The following IFT74 variants were observed in gnomAD, a reference collection of about 807,000 sequenced individuals.
IFT74 encodes intraflagellar transport protein 74 homolog.
In IFT74, 92 loss-of-function variants were observed where a neutral mutation model predicts 96.7. The ratio of observed to expected loss-of-function variants is 0.95; its 90% CI spans 0.80 to 1.13. The LOEUF (loss-of-function observed/expected upper bound fraction) is 1.13. Among genes scored for constraint, IFT74 ranks in the 50% most tolerant of loss-of-function variants. IFT74 has a pLI of 0.00. For missense variants in IFT74, 811 were observed against 698.2 expected, an observed-to-expected ratio of 1.16 and a Z score of -1.82; for synonymous variants, 223 against 213.2, an observed-to-expected ratio of 1.05 and a Z score of -0.40.
intron 19 of IFT74, among the ~76,000 whole-genome samples, chr9:27,062,129 T>A (rs913313924): frequency 2.0e-5 from 3 of 152,170 alleles, no homozygotes; most frequent in African/African-American, 4.8e-5. Flanking sequence ...GGTACTCTGT[T>A]GCCAGTGTTA....
intron 1 of IFT74, among the ~76,000 whole-genome samples, chr9:26,956,907 A>T (rs1055960871): frequency 6.6e-6 from 1 of 152,268 alleles, no homozygotes; most frequent in African/African-American, 2.4e-5. Context: ...TGGTTGGCTT[A>T]GGGAGGATAA....
intron 8 of IFT74, chr9:26,997,941 G>A: frequency 6.2e-7 from 1 of 1,613,938 alleles, no homozygotes; most frequent in African/African-American, 1.3e-5. Flanking sequence ...TTTTGGCAGA[G>A]ATATAACTGT....
intron 11 of IFT74, among the ~76,000 whole-genome samples, 163 bp from the exon 12 acceptor site, chr9:27,018,484 C>G (rs1395039792): frequency 3.3e-5 from 5 of 152,142 alleles, no homozygotes; most frequent in South Asian, 4.1e-4. Context: ...TTCCTTGGTG[C>G]TGTTCCCTTT....
chr9:27,023,787 C>A (rs1829724409), intron 12 of IFT74, among the ~76,000 whole-genome samples: 1 of 152,144 alleles, frequency 6.6e-6, no homozygotes, highest in East Asian at 1.9e-4. Flanking sequence ...CTGAAACCAC[C>A]CCTTCCATCA....
intron 4 of IFT74, among the ~76,000 whole-genome samples, chr9:26,981,239 A>G (rs1016013314): frequency 5.3e-5 from 8 of 152,080 alleles, no homozygotes; most frequent in African/African-American, 1.9e-4. Context: ...ACCATAGCAA[A>G]CTTATTTTAT....
At chr9:27,006,995 C>T (rs563271389) in intron 8 of IFT74, among the ~76,000 whole-genome samples, 67 of 151,830 alleles carry the variant, frequency 4.4e-4, no homozygotes, top group Admixed American at 3.2e-3. Flanking sequence ...CACCATCACG[C>T]CCAGCTAATT....
intron 4 of IFT74, chr9:26,982,328 A>C: frequency 2.3e-6 from 1 of 439,670 alleles, no homozygotes; most frequent in South Asian, 1.6e-5. Context: ...CAATGATGGG[A>C]TCTCACGTCA....
rs1223774011 is a variant in IFT74, at chr9:26,948,463, T to A, written c.-20+1317T>A. Reference sequence around the variant, plus strand: ...GCTTTCCATTATTTTTTTTTTTTTTTTTTTTTTTTTTTTTTTTTTTTTTTT... The same window carrying A: ...GCTTTCCATTATTTTTTTTTTTTTTATTTTTTTTTTTTTTTTTTTTTTTTT... On this transcript the variant is annotated intron_variant, in intron 1 of 19. Coordinates refer to the IFT74 transcript ENST00000433700. Among the ~76,000 whole-genome samples the A allele has an allele frequency of 6.9e-3, 382 of 55,490 alleles. 16 individuals are homozygous for A. In the East Asian group the frequency reaches 0.15, roughly 22 times the overall value. 36.4% of individuals were successfully genotyped at this position (55,490 alleles called of 152,430 possible). A position where few individuals can be genotyped will look rare whatever the true frequency, so the allele number is the denominator to read the frequency against.
chr9:27,018,329 C>A (rs573534833), intron 11 of IFT74, among the ~76,000 whole-genome samples: 30 of 152,248 alleles, frequency 2.0e-4, no homozygotes, highest in African/African-American at 7.0e-4. Flanking sequence ...TTGTGGGAAA[C>A]TGAGGGGAAT....
In IFT74 at chr9:27,009,156, C is replaced by A; in HGVS notation, c.724C>A (p.Gln242Lys). The A allele has an allele frequency of 1.9e-6, 3 of 1,610,754 alleles. No individual in the cohort carries two copies. The highest frequency in any genetic ancestry group is 2.5e-6 in the Non-Finnish European group (3 of 1,178,500). The stretch of plus-strand genomic sequence containing the variant: ...GAAAACCACAAATGAGAAACTGTTA[C>A]AGGTAATACAAATTACTGCTGTGTG... Reference protein sequence around the residue: ...EMKTTNEKLLQELDTLQQQLD... With the variant: ...EMKTTNEKLLKELDTLQQQLD... The change falls in exon 9 of 20, where the codon CAG becomes AAG. Residue 242 changes from glutamine (Q) to lysine (K), a missense_variant and splice_region_variant. Coordinates refer to ENST00000380062, the MANE Select transcript of IFT74 (RefSeq NM_025103.4).
At chr9:27,037,087 G>A (rs749779805) in intron 13 of IFT74, among the ~76,000 whole-genome samples, 11 of 152,096 alleles carry the variant, frequency 7.2e-5, no homozygotes, top group Non-Finnish European at 1.0e-4. Flanking sequence ...GGTAGTGGTG[G>A]TGGGCACCTG....
At chr9:27,050,986 G>A (rs1439398744) in intron 16 of IFT74, among the ~76,000 whole-genome samples, 1 of 152,096 alleles carries the variant, frequency 6.6e-6, no homozygotes, top group East Asian at 1.9e-4. Flanking sequence ...AACCTGACCT[G>A]ACCTGAACTG....
Position 26,988,785 on chromosome 9 carries a change from G to A in IFT74, c.525+57G>A, listed in dbSNP as rs7865596. 0.071 allele frequency: 96,951 copies of A among 1,363,324 alleles called. 3,918 individuals carry two copies. The highest frequency in any genetic ancestry group is 0.14 in the Middle Eastern group (718 of 5,204). The allele number at this position is 1,363,324 out of a possible 1,614,324, so 84.5% of individuals were successfully genotyped here. Reference sequence around the variant, plus strand: ...TGTAAGTCATATCCTACAAAACAAAGCATTTATATCTAGAAATAGTTTGAT... The same window carrying A: ...TGTAAGTCATATCCTACAAAACAAAACATTTATATCTAGAAATAGTTTGAT... On this transcript the variant is annotated intron_variant, in intron 7 of 19. Coordinates refer to ENST00000380062, the MANE Select transcript of IFT74 (RefSeq NM_025103.4).
chr9:26,949,513 C>T (rs1234161151), intron 1 of IFT74, among the ~76,000 whole-genome samples: 1 of 152,146 alleles, frequency 6.6e-6, no homozygotes, highest in Admixed American at 6.5e-5. Flanking sequence ...GTTTTCCCCT[C>T]GTGCTGTAAT....
rs963172728 is a variant in IFT74 at position 27,012,389 on chromosome 9, A to AT, written c.789+431dup. ...AGGCAGGAACCACCACACCTGGCTA[A>AT]TTTTTTTTTTACTTTTTGTAAAGAC... On this transcript the variant is annotated intron_variant, in intron 10 of 19. Coordinates refer to ENST00000380062, the MANE Select transcript of IFT74 (RefSeq NM_025103.4). Among the ~76,000 whole-genome samples the AT allele has an allele frequency of 5.7e-4, 85 of 149,712 alleles. 1 individual carries two copies. The highest frequency in any genetic ancestry group is 4.3e-4 in the Non-Finnish European group (29 of 67,236).
At chr9:27,036,700 T>C in intron 13 of IFT74, 4 of 1,308,626 alleles carry the variant, frequency 3.1e-6, no homozygotes, top group Non-Finnish European at 2.9e-6. Flanking sequence ...AAAAGACTCC[T>C]AAAAATCAAT....
chr9:26,966,195 T>C (rs1826604516), intron 2 of IFT74, among the ~76,000 whole-genome samples: 2 of 152,050 alleles, frequency 1.3e-5, no homozygotes, highest in South Asian at 4.1e-4. Flanking sequence ...CCTTTTGCAG[T>C]GGGATTGCTG....
At chr9:27,045,940 A>T (rs1339720734) in intron 14 of IFT74, among the ~76,000 whole-genome samples, 1 of 152,164 alleles carries the variant, frequency 6.6e-6, no homozygotes, top group Non-Finnish European at 1.5e-5. Flanking sequence ...AAATTACTAG[A>T]TACTACCTAG....
At chr9:26,959,925 A>C (rs1460830795) in intron 1 of IFT74, among the ~76,000 whole-genome samples, 1 of 152,206 alleles carries the variant, frequency 6.6e-6, no homozygotes, top group Non-Finnish European at 1.5e-5. Context: ...AATGTTCAGC[A>C]CTTCAGATTG....
Sources: allele counts gnomAD v4.1 joint callset (sites outside exome capture counted in the v4.1 genomes callset), GRCh38; gene constraint gnomAD v4.1.1; transcripts MANE v1.5; gene names NCBI Gene and HGNC (gene_info 2026-07-23, HGNC 2026-07-21).